Variants in FNIP1 observed in about 807,000 individuals in gnomAD.
The protein encoded by FNIP1 is folliculin-interacting protein 1.
FNIP1 carries 40 observed loss-of-function variants against 124.5 expected under a neutral mutation model. That is an observed-to-expected ratio of 0.32 (90% CI 0.25 to 0.42). The LOEUF (loss-of-function observed/expected upper bound fraction) is 0.42. Ranked by LOEUF, FNIP1 falls within the 10% of genes least tolerant of loss-of-function variation. The pLI is 1.00. For missense variants in FNIP1, 1,176 were observed against 1,403.7 expected (o/e 0.84, Z 2.59); for synonymous variants, 472 against 470.6 (o/e 1.00, Z -0.04).
intron 3 of FNIP1, among the ~76,000 whole-genome samples, chr5:131,720,413 G>C (rs1191470362): frequency 6.6e-6 from 1 of 152,142 alleles, no homozygotes; most frequent in Non-Finnish European, 1.5e-5. Flanking sequence ...CAGGAGAAAA[G>C]CTTGATGACA....
At chr5:131,651,723 C>T in intron 16 of FNIP1, 79 bp downstream of exon 16, 3 of 1,376,856 alleles carry the variant, frequency 2.2e-6, no homozygotes, top group Middle Eastern at 1.9e-4. Context: ...CAGTCCCTAA[C>T]AGCTTTTTTT....
At chr5:131,766,179 T>C (rs907816088) in intron 1 of FNIP1, among the ~76,000 whole-genome samples, 1 of 151,942 alleles carries the variant, frequency 6.6e-6, no homozygotes, top group Non-Finnish European at 1.5e-5. Context: ...CTTGAACTCC[T>C]GGGCACAAGT....
In FNIP1 at chr5:131,730,886, T is replaced by G. The variant is rs749095720; in HGVS notation, c.354+18A>C. Reference sequence around the variant, plus strand: ...AATTATAAATGAATGAATAAATAAATGACATCAATGATCTTACCTGGTACT... The same window carrying G: ...AATTATAAATGAATGAATAAATAAAGGACATCAATGATCTTACCTGGTACT... On this transcript the variant is annotated intron_variant, in intron 3 of 17. Coordinates refer to ENST00000510461, the MANE Select transcript of FNIP1 (RefSeq NM_133372.3). The G allele has an allele frequency of 8.0e-5, 126 of 1,575,556 alleles. No homozygotes were observed. The highest frequency in any genetic ancestry group is 1.0e-4 in the Non-Finnish European group (116 of 1,159,948).
intron 1 of FNIP1, among the ~76,000 whole-genome samples, chr5:131,779,417 C>A (rs573459439): frequency 1.3e-5 from 2 of 151,906 alleles, no homozygotes; most frequent in Non-Finnish European, 2.9e-5. Flanking sequence ...TGGTGGCTTA[C>A]GCCTGTAATC....
chr5:131,783,756 G>A (rs1772073118), intron 1 of FNIP1, among the ~76,000 whole-genome samples: 1 of 152,104 alleles, frequency 6.6e-6, no homozygotes, highest in Non-Finnish European at 1.5e-5. Flanking sequence ...AATACTGGAA[G>A]CTCAAGACAA....
At chr5:131,670,884 T>G (rs1404333328) in intron 14 of FNIP1, among the ~76,000 whole-genome samples, 1 of 152,152 alleles carries the variant, frequency 6.6e-6, no homozygotes, top group Non-Finnish European at 1.5e-5. Context: ...AAAATACTCC[T>G]TCTTATTCAG....
At chr5:131,657,884 C>A (rs1424633566) in intron 15 of FNIP1, among the ~76,000 whole-genome samples, 3 of 150,710 alleles carry the variant, frequency 2.0e-5, no homozygotes, top group Admixed American at 1.3e-4. Context: ...ACTAAAAATA[C>A]AAAAAAATTA....
intron 2 of FNIP1, among the ~76,000 whole-genome samples, chr5:131,740,383 C>T (rs1314395949): frequency 6.6e-6 from 1 of 152,146 alleles, no homozygotes; most frequent in African/African-American, 2.4e-5. Flanking sequence ...TACGATGCTT[C>T]GGAGTGTTTC....
At chr5:131,785,728 G>C (rs903154508) in intron 1 of FNIP1, among the ~76,000 whole-genome samples, 1 of 152,076 alleles carries the variant, frequency 6.6e-6, no homozygotes. Flanking sequence ...ATATTAGCCG[G>C]GTGCAGTGGT....
intron 3 of FNIP1, among the ~76,000 whole-genome samples, chr5:131,721,665 G>A (rs1463523725): frequency 6.6e-6 from 1 of 152,210 alleles, no homozygotes; most frequent in African/African-American, 2.4e-5. Flanking sequence ...GGGCATGGTG[G>A]TGCATGCCTG....
intron 2 of FNIP1, among the ~76,000 whole-genome samples, chr5:131,737,113 C>T (rs1279133975): frequency 1.3e-5 from 2 of 152,124 alleles, no homozygotes; most frequent in African/African-American, 4.8e-5. Flanking sequence ...TCTGAGATAA[C>T]AAAGTAAAAT....
In FNIP1 at chr5:131,685,109, C is replaced by G. The variant is rs1768229392; in HGVS notation, c.1203-5934G>C. Among the ~76,000 whole-genome samples, 5 of 152,134 alleles carry G rather than the reference C, an allele frequency of 3.3e-5. No homozygotes were observed. The South Asian group carries it at 1.0e-3, about 32-fold the overall frequency. On this transcript the variant is annotated intron_variant, in intron 11 of 17. Transcript: ENST00000510461. The stretch of plus-strand genomic sequence containing the variant: ...CAAAGTAAACTAAAACAACTTAAAC[C>G]AGACAAGGCACGGTGGCTCATGCCT...
intron 5 of FNIP1, 80 bp from the exon 6 acceptor site, chr5:131,716,736 T>C (rs1769478870): frequency 1.5e-5 from 12 of 807,108 alleles, no homozygotes; most frequent in Non-Finnish European, 2.3e-5. Context: ...TGATGAAATT[T>C]TAAGTGCAAA....
At chr5:131,712,025 A>G (rs1769308857) in intron 6 of FNIP1, among the ~76,000 whole-genome samples, 1 of 152,202 alleles carries the variant, frequency 6.6e-6, no homozygotes, top group South Asian at 2.1e-4. Flanking sequence ...GCATATATGC[A>G]CATACACACA....
intron 1 of FNIP1, among the ~76,000 whole-genome samples, chr5:131,747,653 T>C (rs1263698802): frequency 6.6e-6 from 1 of 152,084 alleles, no homozygotes; most frequent in Non-Finnish European, 1.5e-5. Flanking sequence ...GCAAAAGTCA[T>C]TGGTGACCAT....
chr5:131,722,564 T>C (rs1174630903), intron 3 of FNIP1, among the ~76,000 whole-genome samples: 5 of 152,252 alleles, frequency 3.3e-5, no homozygotes, highest in Non-Finnish European at 7.3e-5. Flanking sequence ...ATCTCTTTAC[T>C]ACCTATCTTA....
Position 131,730,997 on chromosome 5 carries a change from G to A in FNIP1, c.261C>T (p.Cys87=), listed in dbSNP as rs202117863. 5 of 1,613,168 alleles carry A rather than the reference G, an allele frequency of 3.1e-6. No individual in the cohort carries two copies. The East Asian group carries it at 1.1e-4, about 36-fold the overall frequency. ...SDAQVKVFGK[C]CQLKPGGDSS... The stretch of plus-strand genomic sequence containing the variant: ...TGTCTCCTCCAGGTTTCAGTTGGCA[G>A]CATTTCCCAAAGACTTTAACTTGAG... The change falls in exon 3 of 18, where the codon TGC becomes TGT. Residue 87 remains cysteine, a synonymous_variant. Coordinates refer to ENST00000510461, the MANE Select transcript of FNIP1 (RefSeq NM_133372.3).
At chr5:131,659,240 A>C (rs1319683294) in intron 15 of FNIP1, among the ~76,000 whole-genome samples, 2 of 152,204 alleles carry the variant, frequency 1.3e-5, no homozygotes, top group African/African-American at 2.4e-5. Context: ...GTTGGTGTAC[A>C]GGTCTTTGCG....
At chr5:131,693,750 T>C (rs1768594398) in intron 11 of FNIP1, among the ~76,000 whole-genome samples, 1 of 151,982 alleles carries the variant, frequency 6.6e-6, no homozygotes, top group African/African-American at 2.4e-5. Flanking sequence ...AATTAAAAAC[T>C]CTGCTCTGTG....
Sources: allele counts gnomAD v4.1 joint callset (sites outside exome capture counted in the v4.1 genomes callset), GRCh38; gene constraint gnomAD v4.1.1; transcripts MANE v1.5; gene names NCBI Gene and HGNC (gene_info 2026-07-23, HGNC 2026-07-21).